Variants in SEC23A observed in about 807,000 individuals in gnomAD.
The protein encoded by SEC23A is SEC23 homolog A, COPII component.
Under a neutral mutation model 103.7 loss-of-function variants are expected in SEC23A, and 56 were observed. The ratio of observed to expected loss-of-function variants is 0.54; its 90% CI spans 0.44 to 0.67. The LOEUF is 0.67. Among genes scored for constraint, SEC23A ranks in the 30% least tolerant of loss-of-function variants. SEC23A has a pLI of 0.00. For missense variants in SEC23A, 784 were observed against 936.4 expected, an observed-to-expected ratio of 0.84 and a Z score of 2.12; for synonymous variants, 281 against 293.0, an observed-to-expected ratio of 0.96 and a Z score of 0.42.
chr14:39,069,817 CAT>C (rs1337204935), intron 9 of SEC23A, among the ~76,000 whole-genome samples: 1 of 152,080 alleles, frequency 6.6e-6, no homozygotes, highest in African/African-American at 2.4e-5. Context: ...ACTCTTACTT[CAT>C]ATATGCACAT....
chr14:39,045,378 G>A (rs1885795002), intron 15 of SEC23A, 54 bp from the exon 16 acceptor site: 2 of 1,363,048 alleles, frequency 1.5e-6, no homozygotes, highest in African/African-American at 1.4e-5. Flanking sequence ...TAAAACAGGT[G>A]TTTACTATTA....
intron 19 of SEC23A, among the ~76,000 whole-genome samples, chr14:39,034,562 G>A (rs1885403129): frequency 6.6e-6 from 1 of 152,018 alleles, no homozygotes; most frequent in Admixed American, 6.6e-5. Flanking sequence ...TTTTCTTCCT[G>A]TAACTATGCC....
chr14:39,054,220 AGCCAT>A (rs932902874), intron 14 of SEC23A, among the ~76,000 whole-genome samples: 4 of 151,772 alleles, frequency 2.6e-5, no homozygotes, highest in Non-Finnish European at 5.9e-5. Context: ...GGCTATGATG[AGCCAT>A]GATCATCTCA....
chr14:39,067,664 CTCT>C (rs1886716105), intron 9 of SEC23A, among the ~76,000 whole-genome samples: 1 of 118,088 alleles, frequency 8.5e-6, no homozygotes, highest in South Asian at 2.9e-4. Flanking sequence ...AGCATGCATT[CTCT>C]TTTTTTTTTT....
chr14:39,051,319 T>A (rs1198151587), intron 14 of SEC23A, among the ~76,000 whole-genome samples: 4 of 152,316 alleles, frequency 2.6e-5, no homozygotes, highest in African/African-American at 9.6e-5. Flanking sequence ...AGCCCTTGCT[T>A]CCTTCAGTCA....
chr14:39,094,276 A>G (rs1226836902), intron 2 of SEC23A, among the ~76,000 whole-genome samples: 1 of 56,178 alleles, frequency 1.8e-5, no homozygotes, highest in Non-Finnish European at 4.0e-5. Flanking sequence ...ATATATACAC[A>G]TATACACATA....
chr14:39,090,174 C>T (rs189988047), intron 5 of SEC23A, among the ~76,000 whole-genome samples: 1 of 152,126 alleles, frequency 6.6e-6, no homozygotes, highest in African/African-American at 2.4e-5. Context: ...TTTTGGTCTA[C>T]CTGGAAGCCT....
chr14:39,047,961 A>T (rs1418254760), intron 15 of SEC23A, among the ~76,000 whole-genome samples: 3 of 152,210 alleles, frequency 2.0e-5, no homozygotes, highest in Admixed American at 6.5e-5. Flanking sequence ...GTCTGGCCCC[A>T]TAAAATTGTT....
In SEC23A at chr14:39,061,707, G is replaced by T. The variant is rs140581794; in HGVS notation, c.1505+58C>A. Reference sequence around the variant, plus strand: ...TCACCCAAAATAGGAATCCAGTTTGGAAACACAACCCAGATACCTGTGATA... The same window carrying T: ...TCACCCAAAATAGGAATCCAGTTTGTAAACACAACCCAGATACCTGTGATA... On this transcript the variant is annotated intron_variant, in intron 13 of 19. Transcript: ENST00000307712. The T allele has an allele frequency of 4.1e-6, 5 of 1,218,110 alleles. No individual in the cohort carries two copies. The Admixed American group carries it at 8.4e-5, about 20-fold the overall frequency. The allele number at this position is 1,218,110 out of a possible 1,614,324, so 75.5% of individuals were successfully genotyped here. A position where few individuals can be genotyped will look rare whatever the true frequency, so the allele number is the denominator to read the frequency against.
chr14:39,074,642 T>C, intron 8 of SEC23A, 112 bp from the exon 9 acceptor site: 1 of 660,870 alleles, frequency 1.5e-6, no homozygotes, highest in Non-Finnish European at 2.7e-6. Flanking sequence ...TAATTTAAAT[T>C]ATGATTAGTT....
chr14:39,061,072 C>T (rs1224383542), intron 13 of SEC23A, among the ~76,000 whole-genome samples: 6 of 152,112 alleles, frequency 3.9e-5, no homozygotes. Context: ...AATCTTATAT[C>T]TTATTAATCT....
intron 9 of SEC23A, among the ~76,000 whole-genome samples, chr14:39,070,044 C>T (rs1313530757): frequency 6.6e-6 from 1 of 152,164 alleles, no homozygotes; most frequent in African/African-American, 2.4e-5. Flanking sequence ...AAATGTAAAG[C>T]AATTAAAATT....
chr14:39,050,974 T>C (rs534558152), intron 14 of SEC23A, among the ~76,000 whole-genome samples: 4 of 152,344 alleles, frequency 2.6e-5, no homozygotes, highest in African/African-American at 9.6e-5. Context: ...GTAGCTATTC[T>C]AGGATAGCCT....
intron 13 of SEC23A, among the ~76,000 whole-genome samples, chr14:39,055,849 G>A (rs1886227615): frequency 6.6e-6 from 1 of 152,242 alleles, no homozygotes. Context: ...TGAGTTTACA[G>A]ATTCCTGTTT....
At chr14:39,033,405 G>C in intron 19 of SEC23A, 77 bp from the exon 20 acceptor site, 1 of 968,984 alleles carries the variant, frequency 1.0e-6, no homozygotes, top group South Asian at 1.3e-5. Flanking sequence ...GTTTAAAATA[G>C]ACAAGGAAAT....
intron 13 of SEC23A, among the ~76,000 whole-genome samples, chr14:39,056,616 A>G (rs1042017302): frequency 6.6e-6 from 1 of 151,698 alleles, no homozygotes; most frequent in Non-Finnish European, 1.5e-5. Flanking sequence ...CCAGAACTAC[A>G]GGCTCCGGCT....
chr14:39,048,674 T>G lies in SEC23A; in HGVS notation c.1715A>C (p.Glu572Ala), dbSNP rs1885934183. 1.3e-6 allele frequency: 2 copies of G among 1,594,960 alleles called. No homozygotes were observed. Among genetic ancestry groups the G allele is most frequent in the Non-Finnish European group, 1.7e-6 (2 of 1,162,660 alleles). The change falls in exon 15 of 20, where the codon GAA becomes GCA. Residue 572 changes from glutamate to alanine, a missense_variant. Coordinates refer to ENST00000307712, the MANE Select transcript of SEC23A (RefSeq NM_006364.4). ...TACCTGTGGATAAAGGGAGAAAGTT[T>G]CTGAAAATCTGAAGGAACTTGGGTC... ...KDDPSSFRFS[E>A]TFSLYPQFMF...
Position 39,041,706 on chromosome 14 carries a change from C to T in SEC23A, c.1987-819G>A, listed in dbSNP as rs368344645. Among the ~76,000 whole-genome samples, 18 of 151,918 alleles carry T rather than the reference C, an allele frequency of 1.2e-4. No homozygotes were observed. The East Asian group carries it at 2.7e-3, about 23-fold the overall frequency. ...CCAACATGGTGAAAACCTGTCTCTA[C>T]TAAAATGCAAAAATTAACTGGGCGT... On this transcript the variant is annotated intron_variant, in intron 17 of 19. Coordinates refer to ENST00000307712, the MANE Select transcript of SEC23A (RefSeq NM_006364.4).
At chr14:39,054,397 C>T (rs1220502266) in intron 14 of SEC23A, among the ~76,000 whole-genome samples, 5 of 152,114 alleles carry the variant, frequency 3.3e-5, no homozygotes, top group Admixed American at 6.6e-5. Context: ...TATTAGCACA[C>T]GACTTGGTAA....
Sources: allele counts gnomAD v4.1 joint callset (sites outside exome capture counted in the v4.1 genomes callset), GRCh38; gene constraint gnomAD v4.1.1; transcripts MANE v1.5; gene names NCBI Gene and HGNC (gene_info 2026-07-23, HGNC 2026-07-21).